SOCS7: variants seen among roughly 807,000 people sequenced by gnomAD.
SOCS7 encodes suppressor of cytokine signaling 7, also known as NAP-4.
In SOCS7, 18 loss-of-function variants were observed where a neutral mutation model predicts 58.9. That is an observed-to-expected ratio of 0.31 (90% confidence interval 0.21 to 0.45). The LOEUF (loss-of-function observed/expected upper bound fraction) is 0.45, where lower values mean the gene tolerates loss of function less well. SOCS7 is among the 20% of genes least tolerant of loss of function. The pLI is 1.00. For synonymous variants in SOCS7, 388 were observed against 364.3 expected, an observed-to-expected ratio of 1.06 and a Z score of -0.74; for missense variants, 667 against 837.3, an observed-to-expected ratio of 0.80 and a Z score of 2.51.
intron 7 of SOCS7, among the ~76,000 whole-genome samples, chr17:38,385,086 C>T (rs1372104458): frequency 4.6e-5 from 7 of 150,978 alleles, no homozygotes; most frequent in Non-Finnish European, 8.8e-5. Flanking sequence ...TTAGTAGAGA[C>T]GGGGTTTCAT....
In SOCS7 at chr17:38,401,363, C is replaced by T. The variant is rs1326884020; in HGVS notation, c.*1881C>T. ...TCGTGAGAGTACAAGTAATATAACT[C>T]GCCATCTTGCAGGAAGTGCCACCCC... On this transcript the variant is annotated 3_prime_UTR_variant, in exon 10 of 10. Coordinates refer to ENST00000612932, the MANE Select transcript of SOCS7 (RefSeq NM_014598.4). 3.3e-5 allele frequency: 5 copies of T among 152,106 alleles called. No homozygotes were observed. The highest frequency in any genetic ancestry group is 7.3e-5 in the Non-Finnish European group (5 of 68,030). 9.4% of individuals were successfully genotyped at this position (152,106 alleles called of 1,614,324 possible).
chr17:38,395,671 G>A (rs534670741), intron 8 of SOCS7, among the ~76,000 whole-genome samples, 177 bp from the exon 9 acceptor site: 2 of 152,286 alleles, frequency 1.3e-5, no homozygotes, highest in South Asian at 4.1e-4. Context: ...GCAGTCTCTA[G>A]GAAGAATAGA....
chr17:38,384,000 C>T (rs2038036038), intron 7 of SOCS7, among the ~76,000 whole-genome samples: 1 of 152,156 alleles, frequency 6.6e-6, no homozygotes, highest in South Asian at 2.1e-4. Context: ...CCCCAGTAAG[C>T]GGTTCGTCCT....
Position 38,403,501 on chromosome 17 carries a change from T to A in SOCS7, c.*4019T>A, listed in dbSNP as rs1188494769. ...TCAGTTAGATCTTTCCCTTCCCTGC[T>A]GCCTCGCTCCCTTAGCTTTGGAGCC... On this transcript the variant is annotated 3_prime_UTR_variant, in exon 10 of 10. Transcript: ENST00000612932. 1 of 152,306 alleles carries A rather than the reference T, an allele frequency of 6.6e-6. No individual in the cohort carries two copies. The highest frequency in any genetic ancestry group is 2.4e-5 in the African/African-American group (1 of 41,440). 9.4% of individuals were successfully genotyped at this position (152,306 alleles called of 1,614,324 possible).
At chr17:38,370,675 A>G (rs988715810) in intron 6 of SOCS7, among the ~76,000 whole-genome samples, 1 of 147,034 alleles carries the variant, frequency 6.8e-6, no homozygotes, top group Non-Finnish European at 1.5e-5. Flanking sequence ...TTTGAGACAG[A>G]GTCTTGCTCC....
At chr17:38,387,078 ATCTT>A (rs2038077286) in intron 7 of SOCS7, among the ~76,000 whole-genome samples, 1 of 70,902 alleles carries the variant, frequency 1.4e-5, no homozygotes, top group African/African-American at 8.9e-5. Flanking sequence ...CGAGACTCTT[ATCTT>A]AAAAAAAAAA....
intron 7 of SOCS7, among the ~76,000 whole-genome samples, chr17:38,381,675 G>A (rs932155884): frequency 3.9e-5 from 6 of 151,952 alleles, no homozygotes; most frequent in Admixed American, 3.3e-4. Flanking sequence ...TGTTAAGACT[G>A]GTATCAGGCT....
chr17:38,353,261 G>GT (rs2037587002), intron 1 of SOCS7, among the ~76,000 whole-genome samples: 1 of 152,220 alleles, frequency 6.6e-6, no homozygotes, highest in Non-Finnish European at 1.5e-5. Context: ...GTTTGCATCT[G>GT]TCTTGTTGGA....
At chr17:38,378,837 C>T (rs1397309186) in intron 7 of SOCS7, among the ~76,000 whole-genome samples, 3 of 152,016 alleles carry the variant, frequency 2.0e-5, no homozygotes, top group Non-Finnish European at 2.9e-5. Context: ...ATGACACGGA[C>T]ATTAATATGA....
chr17:38,360,996 G>A (rs2037711462), intron 1 of SOCS7, among the ~76,000 whole-genome samples: 1 of 152,230 alleles, frequency 6.6e-6, no homozygotes, highest in Non-Finnish European at 1.5e-5. Context: ...AAGAAGTGAA[G>A]TTATCTTTGG....
At chr17:38,354,585 C>T (rs1010952672) in intron 1 of SOCS7, among the ~76,000 whole-genome samples, 5 of 152,160 alleles carry the variant, frequency 3.3e-5, no homozygotes, top group African/African-American at 9.7e-5. Context: ...TCTGCTTTGC[C>T]TCCCAGTGAA....
intron 1 of SOCS7, among the ~76,000 whole-genome samples, chr17:38,357,172 C>T (rs938420168): frequency 7.2e-5 from 11 of 152,176 alleles, no homozygotes; most frequent in South Asian, 4.1e-4. Context: ...GCCCTGCTGT[C>T]GTGGACAGGC....
intron 7 of SOCS7, among the ~76,000 whole-genome samples, chr17:38,383,791 G>T (rs1207366827): frequency 6.6e-6 from 1 of 152,064 alleles, no homozygotes; most frequent in Non-Finnish European, 1.5e-5. Context: ...TGATCCACCC[G>T]CCTCGGCCTC....
At chr17:38,362,088 C>T (rs951981769) in intron 2 of SOCS7, among the ~76,000 whole-genome samples, 3 of 152,188 alleles carry the variant, frequency 2.0e-5, no homozygotes, top group Non-Finnish European at 4.4e-5. Flanking sequence ...AATTTATGGG[C>T]TCACAGTGCA....
In SOCS7 at chr17:38,365,495, T is replaced by G. The variant is rs1051980558; in HGVS notation, c.1252+86T>G. On this transcript the variant is annotated intron_variant, in intron 4 of 9. Transcript: ENST00000612932. ...CATAGAAGGATGGGAGAAATCTATT[T>G]ATGGAAATAACAGCTTAGTAGAAAG... 5 of 842,924 alleles carry G rather than the reference T, an allele frequency of 5.9e-6. No individual in the cohort carries two copies. The African/African-American group carries it at 6.9e-5, about 12-fold the overall frequency. 52.2% of individuals were successfully genotyped at this position (842,924 alleles called of 1,614,324 possible).
intron 2 of SOCS7, among the ~76,000 whole-genome samples, chr17:38,362,892 T>G (rs2037738834): frequency 6.6e-6 from 1 of 152,202 alleles, no homozygotes; most frequent in Non-Finnish European, 1.5e-5. Context: ...GAGCAGATCA[T>G]CTGAGGTCAG....
chr17:38,378,851 A>G (rs1479121311), intron 7 of SOCS7, among the ~76,000 whole-genome samples: 2 of 152,094 alleles, frequency 1.3e-5, no homozygotes, highest in African/African-American at 4.8e-5. Flanking sequence ...AATATGAGGA[A>G]CTTGTAAGAT....
intron 1 of SOCS7, among the ~76,000 whole-genome samples, chr17:38,357,155 A>G (rs141935532): frequency 1.6e-4 from 25 of 152,298 alleles, no homozygotes; most frequent in African/African-American, 5.8e-4. Flanking sequence ...TTTGGCATCC[A>G]TTTGGGGCCC....
intron 1 of SOCS7, among the ~76,000 whole-genome samples, chr17:38,354,972 G>A (rs911706573): frequency 6.6e-6 from 1 of 152,198 alleles, no homozygotes; most frequent in African/African-American, 2.4e-5. Flanking sequence ...CTCACACTAA[G>A]CACAATACAG....
Sources: allele counts gnomAD v4.1 joint callset (sites outside exome capture counted in the v4.1 genomes callset), GRCh38; gene constraint gnomAD v4.1.1; transcripts MANE v1.5; gene names NCBI Gene and HGNC (gene_info 2026-07-23, HGNC 2026-07-21).